Variants in FANCB observed in about 807,000 individuals in gnomAD.
FANCB encodes the protein FA complementation group B.
FANCB carries 5 observed loss-of-function variants against 38.9 expected under a neutral mutation model. That is an observed-to-expected ratio of 0.13 (90% CI 0.07 to 0.27). The LOEUF is 0.27. Ranked by LOEUF, FANCB falls within the 10% of genes least tolerant of loss-of-function variation. The probability of loss-of-function intolerance (pLI) is 1.00; values close to 1 mark genes in which losing one functional copy is unlikely to be tolerated. For missense variants in FANCB, 573 were observed against 602.7 expected (o/e 0.95, Z 0.52); for synonymous variants, 236 against 215.4 (o/e 1.10, Z -0.84).
At chrX:14,817,401 A>AT in the FANCB span, among the ~76,000 whole-genome samples, 1 of 111,849 alleles carries the variant, frequency 8.9e-6, no homozygotes, top group African/African-American at 3.3e-5. Flanking sequence ...GGCAAACAAG[A>AT]TTATCATTAT....
chrX:14,689,959 T>C, the FANCB span, among the ~76,000 whole-genome samples: 948 of 112,372 alleles, frequency 8.4e-3, 22 homozygotes, highest in Admixed American at 0.083. Context: ...TGAAGGGTTA[T>C]CAAAGTTTTC....
At chrX:14,840,262 T>C (rs939958836), downstream of FANCB, among the ~76,000 whole-genome samples, 1 of 112,136 alleles carries the variant, frequency 8.9e-6, no homozygotes, top group African/African-American at 3.2e-5. Context: ...GTCAATTTCA[T>C]TCTAAGGCTT....
At chrX:14,722,219 G>T in the FANCB span, among the ~76,000 whole-genome samples, 1 of 111,914 alleles carries the variant, frequency 8.9e-6, no homozygotes, top group Non-Finnish European at 1.9e-5. Flanking sequence ...GTGGTTCGGG[G>T]TCTCTCCTCT....
chrX:14,799,181 T>C, the FANCB span, among the ~76,000 whole-genome samples: 2 of 112,142 alleles, frequency 1.8e-5, no homozygotes, highest in African/African-American at 6.5e-5. Flanking sequence ...CCCATAAAGA[T>C]AGAAACCCCA....
At chrX:14,799,292 G>A in the FANCB span, among the ~76,000 whole-genome samples, 1 of 111,810 alleles carries the variant, frequency 8.9e-6, no homozygotes, top group Admixed American at 9.5e-5. Context: ...ACTATTTTCT[G>A]ACTTATCTTT....
At chrX:14,717,758 C>A in the FANCB span, among the ~76,000 whole-genome samples, 9 of 99,898 alleles carry the variant, frequency 9.0e-5, no homozygotes, top group Admixed American at 1.1e-4. Flanking sequence ...AAAAAAAAAA[C>A]CCATCGGTCA....
chrX:14,813,118 CT>C, the FANCB span, among the ~76,000 whole-genome samples: 1 of 107,818 alleles, frequency 9.3e-6, no homozygotes, highest in African/African-American at 3.4e-5. Flanking sequence ...TTCAACAACC[CT>C]TCATGCTAAA....
At chrX:14,811,263 A>G in the FANCB span, among the ~76,000 whole-genome samples, 50 of 111,199 alleles carry the variant, frequency 4.5e-4, no homozygotes, top group East Asian at 1.4e-3. Context: ...ATCAACTAAC[A>G]AGCAAAATAA....
the FANCB span, among the ~76,000 whole-genome samples, chrX:14,806,436 A>G: frequency 8.9e-6 from 1 of 112,079 alleles, no homozygotes; most frequent in African/African-American, 3.2e-5. Context: ...GTTTGTGCAG[A>G]GTAGTGTCCA....
At chrX:14,756,461 CA>C in the FANCB span, among the ~76,000 whole-genome samples, 1 of 111,877 alleles carries the variant, frequency 8.9e-6, no homozygotes, top group African/African-American at 3.2e-5. Flanking sequence ...CAACTCAACT[CA>C]ATAGAAAAAT....
the FANCB span, among the ~76,000 whole-genome samples, chrX:14,774,872 G>A: frequency 9.1e-6 from 1 of 110,029 alleles, no homozygotes; most frequent in African/African-American, 3.3e-5. Flanking sequence ...TTGCTCTGTC[G>A]CCCAGGCTAG....
chrX:14,691,152 ATTGT>A, the FANCB span, among the ~76,000 whole-genome samples: 1 of 111,951 alleles, frequency 8.9e-6, no homozygotes, highest in African/African-American at 3.2e-5. Flanking sequence ...TATACTAAAA[ATTGT>A]TTATCTGAAA....
intron 1 of FANCB, among the ~76,000 whole-genome samples, chrX:14,872,642 C>CCCA (rs1555908479): frequency 3.4e-5 from 3 of 88,881 alleles, no homozygotes; most frequent in Admixed American, 2.5e-4. Context: ...ACCGCCCCCC[C>CCCA]CACACACACC....
chrX:14,740,767 T>G, the FANCB span, among the ~76,000 whole-genome samples: 1 of 111,870 alleles, frequency 8.9e-6, no homozygotes, highest in Middle Eastern at 4.6e-3. Context: ...GCTTATTCAC[T>G]CATTTAATTC....
the FANCB span, among the ~76,000 whole-genome samples, chrX:14,761,637 C>T: frequency 9.0e-6 from 1 of 111,261 alleles, no homozygotes; most frequent in Non-Finnish European, 1.9e-5. Flanking sequence ...TGAGCACCTG[C>T]AGATCAGGGA....
chrX:14,716,111 G>T, the FANCB span, among the ~76,000 whole-genome samples: 1 of 111,127 alleles, frequency 9.0e-6, no homozygotes, highest in Non-Finnish European at 1.9e-5. Flanking sequence ...GGGGTTGAAA[G>T]AAGACAATAA....
chrX:14,709,727 T>C, the FANCB span, among the ~76,000 whole-genome samples: 2 of 111,908 alleles, frequency 1.8e-5, no homozygotes, highest in African/African-American at 3.3e-5. Flanking sequence ...TGCTTTGATC[T>C]GCAGTCCAAT....
downstream of FANCB, chrX:14,834,663 T>G (rs1320524177): frequency 1.6e-6 from 1 of 622,545 alleles, no homozygotes; most frequent in African/African-American, 2.2e-5. Flanking sequence ...AGTTTTTTCC[T>G]GTTTTTTGAA....
chrX:14,824,705 C>T, the FANCB span, among the ~76,000 whole-genome samples: 1 of 112,290 alleles, frequency 8.9e-6, no homozygotes, highest in Non-Finnish European at 1.9e-5. Context: ...TTTCCTGATA[C>T]TTCTAGAACG....
Sources: gnomAD v4.1 joint callset for allele counts (sites outside exome capture counted in the v4.1 genomes callset) on GRCh38, gnomAD v4.1.1 for gene constraint, MANE v1.5 for transcripts, NCBI Gene and HGNC (gene_info 2026-07-23, HGNC 2026-07-21) for gene names.